The following SIN3A variants were observed in gnomAD, a reference collection of about 807,000 sequenced individuals.
SIN3A encodes the protein SIN3 transcription regulator family member A.
In SIN3A, 14 loss-of-function variants were observed where a neutral mutation model predicts 146.1. That is an observed-to-expected ratio of 0.10 (90% CI 0.06 to 0.15). The LOEUF is 0.15. SIN3A is among the 10% of genes least tolerant of loss of function. The pLI is 1.00. For missense variants in SIN3A, 1,028 were observed against 1,576.0 expected (o/e 0.65, Z 5.89); for synonymous variants, 572 against 572.0 (o/e 1.00, Z 0.00).
intron 12 of SIN3A, among the ~76,000 whole-genome samples, chr15:75,397,459 T>C (rs2073326361): frequency 6.6e-6 from 1 of 152,182 alleles, no homozygotes; most frequent in Admixed American, 6.5e-5. Context: ...GTGAGATCAT[T>C]CCAAGCTCTC....
intron 19 of SIN3A, among the ~76,000 whole-genome samples, chr15:75,379,121 G>C (rs559591608): frequency 6.6e-6 from 1 of 152,102 alleles, no homozygotes; most frequent in African/African-American, 2.4e-5. Flanking sequence ...GGATGGTCTC[G>C]ATCTCCTGAT....
Position 75,392,336 on chromosome 15 carries a change from T to C in SIN3A, c.2757A>G (p.Glu919=). 1 of 1,614,262 alleles carries C rather than the reference T, an allele frequency of 6.2e-7. No individual in the cohort carries two copies. The highest frequency in any genetic ancestry group is 8.5e-7 in the Non-Finnish European group (1 of 1,180,048). ...GTTCCCATTCTCTCTCTCGGTTTTC[T>C]TCTTCAATTTGCCGTTCGGCTTGGG... ...ICSQAERQIE[E]ENREREWERE... is the part of the protein sequence containing the mutation. The change falls in exon 15 of 21, where the codon GAA becomes GAG. Residue 919 remains glutamate, a synonymous_variant. Coordinates refer to ENST00000394947, the MANE Select transcript of SIN3A (RefSeq NM_001145358.2).
intron 3 of SIN3A, chr15:75,422,334 G>T: frequency 1.7e-6 from 1 of 595,750 alleles, no homozygotes; most frequent in South Asian, 2.1e-5. Context: ...GCTCAATAGA[G>T]AGTTCAAAAG....
intron 17 of SIN3A, 54 bp from the exon 18 acceptor site, chr15:75,381,759 T>C (rs986023521): frequency 7.0e-7 from 1 of 1,420,720 alleles, no homozygotes. Context: ...AGCTGTAATC[T>C]ATCTTCTCAA....
intron 8 of SIN3A, among the ~76,000 whole-genome samples, chr15:75,408,274 C>T (rs138948912): frequency 1.7e-3 from 253 of 152,306 alleles, no homozygotes; most frequent in African/African-American, 5.7e-3. Flanking sequence ...AACTAATTCT[C>T]TTTATTGAAA....
upstream of SIN3A, among the ~76,000 whole-genome samples, chr15:75,454,132 AT>A (rs1385525791): frequency 1.3e-5 from 2 of 151,366 alleles, no homozygotes; most frequent in Admixed American, 1.3e-4. Context: ...GCCTCACGTC[AT>A]CCGCAAGAAC....
intron 17 of SIN3A, among the ~76,000 whole-genome samples, chr15:75,383,653 AG>A (rs990618893): frequency 6.6e-6 from 1 of 151,794 alleles, no homozygotes; most frequent in Admixed American, 6.6e-5. Flanking sequence ...CTCAGCCTCC[AG>A]AGTAGCTGGG....
In SIN3A at chr15:75,404,087, G is replaced by C. The variant is rs535519504; in HGVS notation, c.1408-2117C>G. 5.9e-5 allele frequency among the ~76,000 whole-genome samples: 9 copies of C among 152,266 alleles called. No individual in the cohort carries two copies. The East Asian group carries it at 1.7e-3, about 29-fold the overall frequency. Reference sequence around the variant, plus strand: ...GTTTCAGTTCCAAAATAAGTATTTAGCACTGTGATCCTTTGGTGAAGACCA... The same window carrying C: ...GTTTCAGTTCCAAAATAAGTATTTACCACTGTGATCCTTTGGTGAAGACCA... On this transcript the variant is annotated intron_variant, in intron 9 of 20. Transcript: ENST00000394947.
rs997531263 is a variant in SIN3A at position 75,451,479 on chromosome 15, C to G, written c.-90G>C. The stretch of plus-strand genomic sequence containing the variant: ...TGTCCCTCTCAGCGTGAGCCGCGAG[C>G]TCAGCAGGGAGGCCCCGAGAACGGC... On this transcript the variant is annotated 5_prime_UTR_variant, in exon 1 of 21. Transcript: ENST00000394947. 1 of 150,504 alleles carries G rather than the reference C, an allele frequency of 6.6e-6. No homozygotes were observed. The allele number at this position is 150,504 out of a possible 1,614,324, so 9.3% of individuals were successfully genotyped here.
chr15:75,444,950 C>G (rs186741263), intron 1 of SIN3A, among the ~76,000 whole-genome samples: 1 of 152,280 alleles, frequency 6.6e-6, no homozygotes, highest in Non-Finnish European at 1.5e-5. Flanking sequence ...AAGTATTAGG[C>G]CAGGCATGGT....
chr15:75,409,917 T>C lies in SIN3A; in HGVS notation c.1236A>G (p.Gln412=), dbSNP rs559808137. ...TGGGCCTCTGCGGCTTGTTGTTCAG[T>C]TGGGGCTTCTTGACAGTGCCTCCAT... is the stretch of plus-strand genomic sequence containing the variant. The part of the protein sequence containing the change: ...NDHGGTVKKP[Q]LNNKPQRPSQ... The change falls in exon 8 of 21, where the codon CAA becomes CAG. Residue 412 remains glutamine, a synonymous_variant. Transcript: ENST00000394947. 20 of 1,613,974 alleles carry C rather than the reference T, an allele frequency of 1.2e-5. No homozygotes were observed. The highest frequency in any genetic ancestry group is 1.7e-4 in the Middle Eastern group (1 of 6,000).
At chr15:75,420,300 A>G (rs2073817682) in intron 3 of SIN3A, 1 of 152,166 alleles carries the variant, frequency 6.6e-6, no homozygotes, top group Non-Finnish European at 1.5e-5. Flanking sequence ...GTCACCACCA[A>G]TCTACCAAAG....
At chr15:75,422,590 C>T in intron 3 of SIN3A, 57 bp downstream of exon 3, 1 of 1,570,800 alleles carries the variant, frequency 6.4e-7, no homozygotes, top group Non-Finnish European at 8.8e-7. Context: ...CAAGCTGCAA[C>T]CAGTATTTCC....
At chr15:75,439,366 A>G (rs1420263038) in intron 1 of SIN3A, among the ~76,000 whole-genome samples, 1 of 150,748 alleles carries the variant, frequency 6.6e-6, no homozygotes, top group Admixed American at 6.6e-5. Flanking sequence ...TTTGAGACAG[A>G]GTCTTGCTCT....
upstream of SIN3A, chr15:75,455,777 G>GT (rs1047637670): frequency 6.6e-6 from 1 of 152,240 alleles, no homozygotes; most frequent in African/African-American, 2.4e-5. Flanking sequence ...AAAAGCAGCT[G>GT]TTTAACATAC....
chr15:75,405,425 T>G (rs2073493278), intron 9 of SIN3A, among the ~76,000 whole-genome samples: 1 of 149,756 alleles, frequency 6.7e-6, no homozygotes, highest in Non-Finnish European at 1.5e-5. Context: ...TAATATTGAG[T>G]CCGTGTCAAG....
chr15:75,444,139 T>C (rs1342834498), intron 1 of SIN3A, among the ~76,000 whole-genome samples: 1 of 152,186 alleles, frequency 6.6e-6, no homozygotes, highest in Non-Finnish European at 1.5e-5. Flanking sequence ...CAAGTGGTAA[T>C]AGCTAAAATG....
chr15:75,394,083 C>T (rs2073258977), intron 14 of SIN3A, among the ~76,000 whole-genome samples: 1 of 152,186 alleles, frequency 6.6e-6, no homozygotes, highest in South Asian at 2.1e-4. Flanking sequence ...GCTGGGATTA[C>T]AGGCATGAGC....
chr15:75,403,687 C>A (rs1394916946), intron 9 of SIN3A, among the ~76,000 whole-genome samples: 1 of 151,914 alleles, frequency 6.6e-6, no homozygotes, highest in Non-Finnish European at 1.5e-5. Context: ...ATTATAGGCA[C>A]CTGCCACAAC....
Sources: gnomAD v4.1 joint callset for allele counts (sites outside exome capture counted in the v4.1 genomes callset) on GRCh38, gnomAD v4.1.1 for gene constraint, MANE v1.5 for transcripts, NCBI Gene and HGNC (gene_info 2026-07-23, HGNC 2026-07-21) for gene names.